The following MCC variants were observed in gnomAD, a reference collection of about 807,000 sequenced individuals.
MCC encodes MCC regulator of Wnt signaling pathway.
MCC carries 90 observed loss-of-function variants against 116.2 expected under a neutral mutation model. The observed-to-expected ratio is 0.77, with a 90% CI of 0.65 to 0.92. The LOEUF (loss-of-function observed/expected upper bound fraction) is 0.92. Among genes scored for constraint, MCC ranks in the 40% least tolerant of loss-of-function variants. MCC has a pLI of 0.00. For missense variants in MCC, 1,516 were observed against 1,312.2 expected, an observed-to-expected ratio of 1.16 and a Z score of -2.40; for synonymous variants, 578 against 510.5, an observed-to-expected ratio of 1.13 and a Z score of -1.78.
chr5:113,049,149 G>A lies in MCC; in HGVS notation c.2599C>T (p.Gln867Ter). The change falls in exon 16 of 19, where the codon CAG becomes TAG. Residue 867 changes from glutamine to a stop codon, truncating the protein, a stop_gained. Coordinates refer to ENST00000408903, the MANE Select transcript of MCC (RefSeq NM_001085377.2). LOFTEE classifies it high-confidence loss of function. ...GTGGAGCTGAGGGATCGCATCCGCT[G>A]CTCCTTCTGCTCCTCCACCTCGGAC... is the stretch of plus-strand genomic sequence containing the variant. ...LKSEVEEQKE[Q>*]RMRSLSSTSS... 1 of 1,614,208 alleles carries A rather than the reference G, an allele frequency of 6.2e-7. No homozygotes were observed. The highest frequency in any genetic ancestry group is 8.5e-7 in the Non-Finnish European group (1 of 1,180,044).
intron 3 of MCC, among the ~76,000 whole-genome samples, chr5:113,247,887 C>T (rs900807500): frequency 6.6e-5 from 10 of 152,072 alleles, no homozygotes; most frequent in Non-Finnish European, 1.5e-4. Context: ...CAGCCATTTA[C>T]AAGTCAGATG....
intron 1 of MCC, among the ~76,000 whole-genome samples, chr5:113,407,399 C>A (rs1353233638): frequency 6.6e-6 from 1 of 152,154 alleles, no homozygotes; most frequent in Non-Finnish European, 1.5e-5. Context: ...TTGCTATTTT[C>A]TAGATGTATG....
chr5:113,149,406 A>T (rs1044731828), intron 4 of MCC, among the ~76,000 whole-genome samples: 15 of 152,014 alleles, frequency 9.9e-5, no homozygotes, highest in Non-Finnish European at 2.1e-4. Context: ...AAAACTGAAA[A>T]TTTTTTTATT....
rs1473113487 is a variant in MCC, at chr5:113,122,788, C to T, written c.923G>A (p.Ser308Asn). ...CTCGTTGACCTCGTGTTGGCTCTGG[C>T]TGAGTTCTGATCGCAGTTCTGAGTA... is the stretch of plus-strand genomic sequence containing the variant. ...DEYSELRSEL[S>N]QSQHEVNEDS... Residue 308 changes from serine to asparagine, a missense_variant, in exon 6 of 19, where the codon AGC becomes AAC. Physicochemically the swap from Ser to Asn is conservative, Grantham distance 46. Coordinates refer to ENST00000408903, the MANE Select transcript of MCC (RefSeq NM_001085377.2). 6.2e-7 allele frequency: 1 copy of T among 1,614,138 alleles called. No homozygotes were observed. The highest frequency in any genetic ancestry group is 8.5e-7 in the Non-Finnish European group (1 of 1,180,016).
intron 3 of MCC, among the ~76,000 whole-genome samples, chr5:113,297,112 A>G (rs13177853): frequency 0.13 from 19,220 of 152,284 alleles, 1,350 homozygotes; most frequent in Non-Finnish European, 0.17. Context: ...CAACTCCACC[A>G]CAATCTGGCA....
In MCC at chr5:113,434,669, A is replaced by G. The variant is rs748723080; in HGVS notation, c.171-49457T>C. ...TGGCCAGAATCTCAATTTCCCGGGG[A>G]AGGAATTTCTCCAAGAAGTCTGCGG... On this transcript the variant is annotated intron_variant, in intron 1 of 18. Transcript: ENST00000408903. This position sits in a 1 kb window ranked among gnomAD's most constrained non-coding sequence, Gnocchi z 4.2. The G allele has an allele frequency of 5.6e-6, 9 of 1,613,706 alleles. No individual in the cohort carries two copies. Among genetic ancestry groups the G allele is most frequent in the Non-Finnish European group, 7.6e-6 (9 of 1,179,854 alleles).
chr5:113,411,096 AT>A (rs1769978029), intron 1 of MCC, among the ~76,000 whole-genome samples: 1 of 152,168 alleles, frequency 6.6e-6, no homozygotes, highest in South Asian at 2.1e-4. Flanking sequence ...TAGCAGCATG[AT>A]TTATCATCCT....
At chr5:113,229,877 G>A (rs1175784739) in intron 3 of MCC, among the ~76,000 whole-genome samples, 4 of 152,180 alleles carry the variant, frequency 2.6e-5, no homozygotes, top group Admixed American at 1.3e-4. Flanking sequence ...AGACTGTGCC[G>A]TCTAAATTTG....
At chr5:113,455,385 T>TCAC (rs1230190028) in intron 1 of MCC, among the ~76,000 whole-genome samples, 2 of 151,916 alleles carry the variant, frequency 1.3e-5, no homozygotes, top group African/African-American at 4.8e-5. Flanking sequence ...CCCCCCACCA[T>TCAC]CACCACCACC....
At chr5:113,356,281 C>A (rs941256446) in intron 2 of MCC, among the ~76,000 whole-genome samples, 7 of 151,114 alleles carry the variant, frequency 4.6e-5, no homozygotes, top group African/African-American at 1.7e-4. Context: ...AGGTGATCCT[C>A]GTGCCTCGAC....
rs138550563 is a variant in MCC, at chr5:113,319,926, A to G, written c.627+20593T>C. On this transcript the variant is annotated intron_variant, in intron 3 of 18. Transcript: ENST00000408903. ...ACCCCAATGGCCATATGAGGCCCCAAAGTTATTTCTTAGCATAATTTTATC... is the reference window on the plus strand; with the variant it reads ...ACCCCAATGGCCATATGAGGCCCCAGAGTTATTTCTTAGCATAATTTTATC... 8.7e-4 allele frequency among the ~76,000 whole-genome samples: 133 copies of G among 152,296 alleles called. 2 individuals carry two copies. Among genetic ancestry groups the G allele is most frequent in the African/African-American group, 3.0e-3 (123 of 41,566 alleles).
intron 11 of MCC, among the ~76,000 whole-genome samples, chr5:113,077,636 C>T (rs1754549771): frequency 6.6e-6 from 1 of 152,212 alleles, no homozygotes; most frequent in Non-Finnish European, 1.5e-5. Flanking sequence ...ATACAAGAAT[C>T]TCTGGGACAC....
intron 3 of MCC, among the ~76,000 whole-genome samples, chr5:113,250,965 C>G (rs551456896): frequency 6.6e-6 from 1 of 152,298 alleles, no homozygotes; most frequent in East Asian, 1.9e-4. Flanking sequence ...TTCTCTGTAA[C>G]AGGTCACACA....
At chr5:113,319,814 A>C (rs1299241119) in intron 3 of MCC, among the ~76,000 whole-genome samples, 1 of 152,236 alleles carries the variant, frequency 6.6e-6, no homozygotes, top group Non-Finnish European at 1.5e-5. Flanking sequence ...TCATTGTACA[A>C]GCCACAGCAG....
intron 3 of MCC, among the ~76,000 whole-genome samples, chr5:113,333,490 T>G (rs1767750786): frequency 6.6e-6 from 1 of 151,430 alleles, no homozygotes; most frequent in African/African-American, 2.5e-5. Context: ...AACTCATGAC[T>G]TTTTTTCTCC....
chr5:113,049,578 T>C (rs759104001), intron 15 of MCC, among the ~76,000 whole-genome samples: 21 of 152,316 alleles, frequency 1.4e-4, no homozygotes, highest in East Asian at 3.9e-4. Flanking sequence ...TGGTTCAATA[T>C]AGGGAAAACC....
chr5:113,140,173 T>A (rs1175636108), intron 5 of MCC, among the ~76,000 whole-genome samples: 1 of 152,204 alleles, frequency 6.6e-6, no homozygotes, highest in Non-Finnish European at 1.5e-5. Context: ...TGGGACATGA[T>A]GATATTTGAC....
At chr5:113,463,092 A>G (rs1771789964) in intron 1 of MCC, among the ~76,000 whole-genome samples, 1 of 152,218 alleles carries the variant, frequency 6.6e-6, no homozygotes, top group Non-Finnish European at 1.5e-5. Flanking sequence ...GGATGTATCC[A>G]GTGCACAGGA....
chr5:113,476,130 T>C (rs1772228392), intron 1 of MCC, among the ~76,000 whole-genome samples: 1 of 152,192 alleles, frequency 6.6e-6, no homozygotes, highest in African/African-American at 2.4e-5. Context: ...AACGAATTAG[T>C]TTACAGATTC....
Sources: allele counts gnomAD v4.1 joint callset (sites outside exome capture counted in the v4.1 genomes callset), GRCh38; gene constraint gnomAD v4.1.1; non-coding constraint Gnocchi (gnomAD v3.1); transcripts MANE v1.5; gene names NCBI Gene and HGNC (gene_info 2026-07-23, HGNC 2026-07-21).